Variants in EEFSEC observed in about 807,000 individuals in gnomAD.
EEFSEC encodes the protein selenocysteine-specific elongation factor.
A neutral mutation model predicts 42.1 loss-of-function variants in EEFSEC; 43 were observed. That is an observed-to-expected ratio of 1.02 (90% CI 0.80 to 1.32). The LOEUF is 1.32. Ranked by LOEUF, EEFSEC falls within the 40% of genes most tolerant of loss-of-function variation. EEFSEC has a pLI of 0.00. For synonymous variants in EEFSEC, 354 were observed against 339.1 expected (o/e 1.04, Z -0.48); for missense variants, 745 against 803.6 (o/e 0.93, Z 0.88).
intron 1 of EEFSEC, among the ~76,000 whole-genome samples, chr3:128,191,901 A>G (rs1417779862): frequency 2.0e-5 from 3 of 152,080 alleles, no homozygotes; most frequent in Non-Finnish European, 4.4e-5. Flanking sequence ...CCTGTTGTGA[A>G]TAGTGCTTCT....
chr3:128,356,993 T>C (rs1230505470), intron 5 of EEFSEC, among the ~76,000 whole-genome samples: 2 of 152,238 alleles, frequency 1.3e-5, no homozygotes, highest in African/African-American at 2.4e-5. Context: ...TCCTGACATC[T>C]TCTCCAGCAA....
intron 6 of EEFSEC, among the ~76,000 whole-genome samples, chr3:128,402,311 A>T (rs991482633): frequency 6.6e-6 from 1 of 152,170 alleles, no homozygotes; most frequent in Non-Finnish European, 1.5e-5. Context: ...ATTTTTTTTG[A>T]ATCAGCATTA....
intron 4 of EEFSEC, among the ~76,000 whole-genome samples, chr3:128,311,517 G>A (rs927884802): frequency 1.3e-5 from 2 of 152,244 alleles, no homozygotes; most frequent in African/African-American, 4.8e-5. Flanking sequence ...TCAGGGCACA[G>A]CTCCAAACTT....
chr3:128,328,542 G>A (rs2067090499), intron 4 of EEFSEC, among the ~76,000 whole-genome samples: 1 of 152,186 alleles, frequency 6.6e-6, no homozygotes, highest in African/African-American at 2.4e-5. Flanking sequence ...TAAAGCTCTT[G>A]TAGTTTCTTG....
intron 2 of EEFSEC, among the ~76,000 whole-genome samples, chr3:128,249,759 C>G (rs2066165269): frequency 6.6e-6 from 1 of 152,136 alleles, no homozygotes; most frequent in African/African-American, 2.4e-5. Context: ...TAACATGTGT[C>G]AGAATTTCAC....
chr3:128,274,308 C>T (rs567935973), intron 4 of EEFSEC, among the ~76,000 whole-genome samples: 4 of 152,170 alleles, frequency 2.6e-5, no homozygotes, highest in African/African-American at 7.2e-5. Flanking sequence ...TGCCTTCCTC[C>T]GAGTCGCAGC....
At chr3:128,181,145 G>A (rs957464348) in intron 1 of EEFSEC, among the ~76,000 whole-genome samples, 2 of 152,212 alleles carry the variant, frequency 1.3e-5, no homozygotes, top group East Asian at 1.9e-4. Context: ...CAGCCTGGGC[G>A]TGAGTGGGTG....
At chr3:128,267,074 G>A (rs963745064) in intron 4 of EEFSEC, among the ~76,000 whole-genome samples, 1 of 152,080 alleles carries the variant, frequency 6.6e-6, no homozygotes, top group Non-Finnish European at 1.5e-5. Context: ...GTCAAAAGAG[G>A]GCTCTCTGGG....
chr3:128,207,966 A>G (rs1051536686), intron 1 of EEFSEC, among the ~76,000 whole-genome samples: 12 of 152,194 alleles, frequency 7.9e-5, no homozygotes, highest in Non-Finnish European at 1.6e-4. Context: ...TGTTGGTAGC[A>G]TCAGAATTAC....
At chr3:128,178,260 A>G (rs1361421540) in intron 1 of EEFSEC, among the ~76,000 whole-genome samples, 3 of 152,202 alleles carry the variant, frequency 2.0e-5, no homozygotes, top group Non-Finnish European at 4.4e-5. Flanking sequence ...TCTTATTTTC[A>G]TGTAAAATGA....
chr3:128,238,050 C>T (rs1034115810), intron 1 of EEFSEC, among the ~76,000 whole-genome samples: 1 of 152,198 alleles, frequency 6.6e-6, no homozygotes, highest in African/African-American at 2.4e-5. Context: ...GCTGCCTCTG[C>T]TGTTGACTGT....
intron 4 of EEFSEC, among the ~76,000 whole-genome samples, chr3:128,291,955 T>C (rs976030085): frequency 2.0e-5 from 3 of 152,220 alleles, no homozygotes; most frequent in Non-Finnish European, 4.4e-5. Context: ...AAGAAGTTCC[T>C]TTCTGTTTCT....
intron 3 of EEFSEC, among the ~76,000 whole-genome samples, chr3:128,262,613 C>T (rs1296042119): frequency 1.3e-5 from 2 of 152,242 alleles, no homozygotes; most frequent in Non-Finnish European, 2.9e-5. Context: ...CTCCAGTACC[C>T]CACCTGGGCT....
chr3:128,360,648 C>T (rs995428076), intron 6 of EEFSEC, among the ~76,000 whole-genome samples: 4 of 149,588 alleles, frequency 2.7e-5, no homozygotes, highest in African/African-American at 9.9e-5. Context: ...TGAAGGGAGC[C>T]TCTCGGGGTG....
Position 128,153,735 on chromosome 3 carries a change from G to A in EEFSEC, c.228G>A (p.Glu76=), listed in dbSNP as rs1360089391. 1 of 1,546,266 alleles carries A rather than the reference G, an allele frequency of 6.5e-7. No homozygotes were observed. The highest frequency in any genetic ancestry group is 8.7e-7 in the Non-Finnish European group (1 of 1,155,808). The part of the protein sequence containing the change: ...SSLPEFQAAP[E]AEPEPGEPLL... Reference sequence around the variant, plus strand: ...TGCCCGAGTTCCAGGCAGCGCCCGAGGCCGAGCCCGAGCCCGGCGAGCCAC... The same window carrying A: ...TGCCCGAGTTCCAGGCAGCGCCCGAAGCCGAGCCCGAGCCCGGCGAGCCAC... Residue 76 remains glutamate, a synonymous_variant, in exon 1 of 7, where the codon GAG becomes GAA. Transcript: ENST00000254730.
intron 4 of EEFSEC, chr3:128,337,231 G>A (rs2067199999): frequency 1.3e-5 from 2 of 152,296 alleles, no homozygotes; most frequent in Admixed American, 1.3e-4. Flanking sequence ...GAACCCATGG[G>A]AGTGCCATGC....
At chr3:128,365,658 C>T (rs1334634640) in intron 6 of EEFSEC, among the ~76,000 whole-genome samples, 1 of 152,090 alleles carries the variant, frequency 6.6e-6, no homozygotes, top group Non-Finnish European at 1.5e-5. Context: ...CCCACCCATG[C>T]CCTGTCCCTA....
At chr3:128,356,335 G>T (rs547716250) in intron 5 of EEFSEC, among the ~76,000 whole-genome samples, 46 of 152,260 alleles carry the variant, frequency 3.0e-4, no homozygotes, top group Non-Finnish European at 4.9e-4. Context: ...TGGAGGACAG[G>T]TCTTATTTCT....
chr3:128,284,319 C>T (rs995530191), intron 4 of EEFSEC, among the ~76,000 whole-genome samples: 10 of 152,192 alleles, frequency 6.6e-5, no homozygotes, highest in Admixed American at 3.9e-4. Flanking sequence ...CTTTTCTTGA[C>T]GACTAAAGCT....
Sources: gnomAD v4.1 joint callset for allele counts (sites outside exome capture counted in the v4.1 genomes callset) on GRCh38, gnomAD v4.1.1 for gene constraint, MANE v1.5 for transcripts, NCBI Gene and HGNC (gene_info 2026-07-23, HGNC 2026-07-21) for gene names.